Variants in NRF1 observed in about 807,000 individuals in gnomAD.
NRF1 encodes the protein nuclear respiratory factor 1, also known as alpha palindromic-binding protein.
A neutral mutation model predicts 58.5 loss-of-function variants in NRF1; 5 were observed. The ratio of observed to expected loss-of-function variants is 0.09; its 90% CI spans 0.04 to 0.18. The LOEUF (loss-of-function observed/expected upper bound fraction) is 0.18, where lower values mean the gene tolerates loss of function less well. Among genes scored for constraint, NRF1 ranks in the 10% least tolerant of loss-of-function variants. The probability of loss-of-function intolerance (pLI) is 1.00; values close to 1 mark genes in which losing one functional copy is unlikely to be tolerated. For synonymous variants in NRF1, 224 were observed against 246.7 expected (o/e 0.91, Z 0.86); for missense variants, 288 against 657.7 (o/e 0.44, Z 6.15).
chr7:129,723,459 A>AT (rs929044467), intron 9 of NRF1, among the ~76,000 whole-genome samples: 2 of 150,034 alleles, frequency 1.3e-5, no homozygotes. Flanking sequence ...AAAAAAAAAA[A>AT]TTTTTTTCCC....
At chr7:129,722,213 GAAACCCCGTCTCTACTA>G (rs550146079) in intron 9 of NRF1, among the ~76,000 whole-genome samples, 6 of 152,086 alleles carry the variant, frequency 3.9e-5, no homozygotes, top group African/African-American at 1.4e-4. Flanking sequence ...TCAACATGGA[GAAACCCCGTCTCTACTA>G]AAAATACAAA....
At chr7:129,738,823 G>A (rs1803782225) in intron 10 of NRF1, among the ~76,000 whole-genome samples, 1 of 152,164 alleles carries the variant, frequency 6.6e-6, no homozygotes, top group Non-Finnish European at 1.5e-5. Context: ...CTCTTAAATA[G>A]TAAGACTGGA....
chr7:129,637,846 T>C (rs1238357087), intron 1 of NRF1, among the ~76,000 whole-genome samples: 1 of 135,708 alleles, frequency 7.4e-6, no homozygotes, highest in Non-Finnish European at 1.7e-5. Flanking sequence ...TAAAACATTA[T>C]GAGATTTTTT....
intron 1 of NRF1, among the ~76,000 whole-genome samples, chr7:129,628,030 GGTTC>G (rs1481655007): frequency 3.0e-5 from 4 of 131,606 alleles, no homozygotes; most frequent in East Asian, 4.5e-4. Context: ...ATAAGCCAAT[GGTTC>G]TTTTTTTTTT....
chr7:129,728,307 T>C (rs1318070538), intron 10 of NRF1, among the ~76,000 whole-genome samples: 1 of 151,780 alleles, frequency 6.6e-6, no homozygotes, highest in Non-Finnish European at 1.5e-5. Flanking sequence ...TCACCTGAGG[T>C]CAGGAGTTCA....
In NRF1 at chr7:129,752,702, A is replaced by T. The variant is rs761860648; in HGVS notation, c.1349-2316A>T. 1.1e-4 allele frequency among the ~76,000 whole-genome samples: 17 copies of T among 152,188 alleles called. No homozygotes were observed. The East Asian group carries it at 1.3e-3, about 12-fold the overall frequency. On this transcript the variant is annotated intron_variant, in intron 10 of 10. Coordinates refer to ENST00000393232, the MANE Select transcript of NRF1 (RefSeq NM_005011.5). ...CCTCGTCACTATTTAAAAAAATAAA[A>T]AATAAATAATAATAAAGAAAGATAA... is the stretch of plus-strand genomic sequence containing the variant.
At chr7:129,663,372 C>T (rs1303835417) in intron 2 of NRF1, among the ~76,000 whole-genome samples, 3 of 148,910 alleles carry the variant, frequency 2.0e-5, no homozygotes, top group Non-Finnish European at 3.0e-5. Context: ...ACTTCCCAGA[C>T]GGGGTGGTGG....
intron 4 of NRF1, 51 bp downstream of exon 4, chr7:129,677,809 C>T (rs377020228): frequency 6.2e-7 from 1 of 1,604,138 alleles, no homozygotes; most frequent in Middle Eastern, 1.7e-4. Flanking sequence ...CTGTCGGCTG[C>T]TTCCATTCTT....
intron 4 of NRF1, among the ~76,000 whole-genome samples, chr7:129,682,465 AAAAAAAACAAAAC>A (rs1802338828): frequency 6.6e-6 from 1 of 151,836 alleles, no homozygotes; most frequent in East Asian, 1.9e-4. Flanking sequence ...CCCAAAGGAA[AAAAAAAACAAAAC>A]AAAAAAACCC....
intron 1 of NRF1, among the ~76,000 whole-genome samples, chr7:129,626,891 A>G (rs1171737414): frequency 6.6e-6 from 1 of 152,248 alleles, no homozygotes; most frequent in Non-Finnish European, 1.5e-5. Context: ...ACAAATGTAC[A>G]TCTAATGATT....
chr7:129,734,311 A>G (rs1584682906), intron 10 of NRF1, among the ~76,000 whole-genome samples: 1 of 152,202 alleles, frequency 6.6e-6, no homozygotes, highest in East Asian at 1.9e-4. Context: ...AACTTAACCA[A>G]GTTCACATAG....
At chr7:129,669,060 G>C (rs1355242696) in intron 2 of NRF1, among the ~76,000 whole-genome samples, 1 of 152,190 alleles carries the variant, frequency 6.6e-6, no homozygotes. Flanking sequence ...CGATTTTCCT[G>C]CCTCAGTCTC....
intron 1 of NRF1, among the ~76,000 whole-genome samples, chr7:129,623,593 AACCCAATTTT>A (rs1476621011): frequency 6.6e-6 from 1 of 152,216 alleles, no homozygotes; most frequent in Non-Finnish European, 1.5e-5. Context: ...CTAGTAGTGT[AACCCAATTTT>A]CCTGCCTACT....
chr7:129,744,130 C>CTTTTTTTT (rs35034726), intron 10 of NRF1: 3 of 1,211,844 alleles, frequency 2.5e-6, no homozygotes, highest in Admixed American at 2.8e-5. Flanking sequence ...TTGCCCGGTG[C>CTTTTTTTT]TTTTTTTTTT....
At chr7:129,667,165 A>G (rs11760589) in intron 2 of NRF1, among the ~76,000 whole-genome samples, 1 of 152,094 alleles carries the variant, frequency 6.6e-6, no homozygotes, top group Non-Finnish European at 1.5e-5. Context: ...AGATATTGCT[A>G]AATGTCTTTC....
chr7:129,750,824 G>C (rs1262878551), intron 10 of NRF1, among the ~76,000 whole-genome samples: 1 of 152,138 alleles, frequency 6.6e-6, no homozygotes. Flanking sequence ...TTCTGGGCTG[G>C]AAGCTCTTGT....
intron 4 of NRF1, among the ~76,000 whole-genome samples, chr7:129,680,705 A>T (rs1000984630): frequency 3.9e-5 from 6 of 152,246 alleles, no homozygotes; most frequent in Admixed American, 3.9e-4. Flanking sequence ...AAAAGATCAC[A>T]TGTTGTATGA....
At chr7:129,657,617 T>C in intron 2 of NRF1, 43 bp downstream of exon 2, 6 of 1,443,298 alleles carry the variant, frequency 4.2e-6, no homozygotes, top group Non-Finnish European at 3.8e-6. Flanking sequence ...ATTTTTTTTT[T>C]TTTTTTTTTG....
intron 1 of NRF1, among the ~76,000 whole-genome samples, chr7:129,615,110 T>G (rs1363880782): frequency 6.6e-6 from 1 of 152,242 alleles, no homozygotes; most frequent in Non-Finnish European, 1.5e-5. Context: ...TGAAAAGGCA[T>G]GCTGATTTTT....
Sources: allele counts gnomAD v4.1 joint callset (sites outside exome capture counted in the v4.1 genomes callset), GRCh38; gene constraint gnomAD v4.1.1; transcripts MANE v1.5; gene names NCBI Gene and HGNC (gene_info 2026-07-23, HGNC 2026-07-21).